ZNF100: variants seen among roughly 807,000 people sequenced by gnomAD.
The protein encoded by ZNF100 is zinc finger protein 100.
Under a neutral mutation model 15.8 loss-of-function variants are expected in ZNF100, and 12 were observed. The ratio of observed to expected loss-of-function variants is 0.76; its 90% CI spans 0.49 to 1.23. The LOEUF (loss-of-function observed/expected upper bound fraction) is 1.23. Ranked by LOEUF, ZNF100 falls within the 50% of genes most tolerant of loss-of-function variation. The pLI, the probability that ZNF100 is intolerant of heterozygous loss-of-function variation, is 0.00. For synonymous variants in ZNF100, 226 were observed against 214.8 expected (o/e 1.05, Z -0.45); for missense variants, 670 against 635.6 (o/e 1.05, Z -0.58).
intron 2 of ZNF100, among the ~76,000 whole-genome samples, chr19:21,758,522 T>C (rs1038378822): frequency 4.6e-5 from 7 of 152,346 alleles, no homozygotes; most frequent in African/African-American, 1.7e-4. Context: ...TCTGGGTCCA[T>C]GCAGGCAGAG....
At chr19:21,741,672 G>A (rs1324184793) in intron 4 of ZNF100, among the ~76,000 whole-genome samples, 2 of 151,818 alleles carry the variant, frequency 1.3e-5, no homozygotes, top group Admixed American at 6.6e-5. Context: ...ACCACGCCTG[G>A]CATGTAAAAC....
In ZNF100 at chr19:21,727,238, T is replaced by G; in HGVS notation, c.1074A>C (p.Ser358=). 2.5e-6 allele frequency: 4 copies of G among 1,613,782 alleles called. No homozygotes were observed. Among genetic ancestry groups the G allele is most frequent in the Non-Finnish European group, 3.4e-6 (4 of 1,179,918 alleles). The part of the protein sequence containing the change: ...EECGKAFNQS[S]TLTTHKITHA... ...GAGTTATCTTATGTGTAGTAAGGGT[T>G]GAGGACTGGTTAAAGGCTTTGCCAC... Residue 358 remains serine (S), a synonymous_variant, in exon 5 of 5, where the codon TCA becomes TCC. Transcript: ENST00000358296.
chr19:21,756,122 A>G (rs2036389960), intron 2 of ZNF100, among the ~76,000 whole-genome samples: 1 of 152,208 alleles, frequency 6.6e-6, no homozygotes, highest in Admixed American at 6.5e-5. Context: ...CAAAAACCAC[A>G]TGATTATTTC....
intron 2 of ZNF100, among the ~76,000 whole-genome samples, chr19:21,756,995 T>C (rs1282105752): frequency 6.6e-6 from 1 of 152,220 alleles, no homozygotes; most frequent in African/African-American, 2.4e-5. Context: ...AATAATTCCC[T>C]ATTTAATAAA....
intron 2 of ZNF100, among the ~76,000 whole-genome samples, chr19:21,754,404 T>C (rs1032255552): frequency 2.6e-5 from 4 of 152,130 alleles, no homozygotes; most frequent in African/African-American, 9.7e-5. Context: ...ATTATTTCAA[T>C]AGAAAAAAGC....
At chr19:21,757,965 A>T (rs894002762) in intron 2 of ZNF100, among the ~76,000 whole-genome samples, 4 of 152,096 alleles carry the variant, frequency 2.6e-5, no homozygotes, top group African/African-American at 4.8e-5. Flanking sequence ...TGAGCCTTGG[A>T]GGTTGAGGCT....
rs1286660583 is a variant in ZNF100, at chr19:21,725,471, T to C, written c.*1212A>G. 4 of 152,148 alleles carry C rather than the reference T, an allele frequency of 2.6e-5. No individual in the cohort carries two copies. Among genetic ancestry groups the C allele is most frequent in the Admixed American group, 2.0e-4 (3 of 15,272 alleles). The allele number at this position is 152,148 out of a possible 1,614,324, so 9.4% of individuals were successfully genotyped here. A position where few individuals can be genotyped will look rare whatever the true frequency, so the allele number is the denominator to read the frequency against. On this transcript the variant is annotated 3_prime_UTR_variant, in exon 5 of 5. Coordinates refer to ENST00000358296, the MANE Select transcript of ZNF100 (RefSeq NM_173531.4). Reference sequence around the variant, plus strand: ...TAATATTATAAGTTAACCATAAAAGTCTCTTCACTTAGATTTTCATCATAC... The same window carrying C: ...TAATATTATAAGTTAACCATAAAAGCCTCTTCACTTAGATTTTCATCATAC...
chr19:21,749,837 G>T (rs907821334), intron 2 of ZNF100, among the ~76,000 whole-genome samples: 2 of 152,142 alleles, frequency 1.3e-5, no homozygotes, highest in East Asian at 3.8e-4. Flanking sequence ...TACAGAAAAT[G>T]CCTTCTGTTG....
chr19:21,728,022 T>C (rs1471951554), intron 4 of ZNF100, 33 bp from the exon 5 acceptor site: 1 of 1,451,450 alleles, frequency 6.9e-7, no homozygotes, highest in Non-Finnish European at 9.1e-7. Context: ...ATTACTTTAC[T>C]TACTAGACAC....
At chr19:21,738,626 A>G (rs1483086501) in intron 4 of ZNF100, among the ~76,000 whole-genome samples, 1 of 152,114 alleles carries the variant, frequency 6.6e-6, no homozygotes, top group Non-Finnish European at 1.5e-5. Context: ...GAGAATGGAA[A>G]CTGGATGTGG....
rs539083173 is a variant in ZNF100 at position 21,745,916 on chromosome 19, T to C, written c.97-849A>G. ...AACATCCAGTAAGTGGAAGAGCCTG[T>C]GTTTTACCAGATTTTTCTGGCCTGT... On this transcript the variant is annotated intron_variant, in intron 2 of 4. Transcript: ENST00000358296. Among the ~76,000 whole-genome samples the C allele has an allele frequency of 3.3e-5, 5 of 152,372 alleles. No homozygotes were observed. In the South Asian group the frequency reaches 1.0e-3, roughly 32 times the overall value.
chr19:21,751,847 G>T, intron 2 of ZNF100: 1 of 809,654 alleles, frequency 1.2e-6, no homozygotes, highest in South Asian at 1.7e-5. Context: ...CTTGTGTGGA[G>T]CAGCTGTAAG....
chr19:21,740,460 G>A (rs970047296), intron 4 of ZNF100, among the ~76,000 whole-genome samples: 4 of 151,368 alleles, frequency 2.6e-5, no homozygotes, highest in African/African-American at 7.3e-5. Context: ...TTAACTACAC[G>A]CTACTTCAAA....
Position 21,754,440 on chromosome 19 carries a change from A to G in ZNF100, c.97-9373T>C, listed in dbSNP as rs182563363. On this transcript the variant is annotated intron_variant, in intron 2 of 4. Coordinates refer to ENST00000358296, the MANE Select transcript of ZNF100 (RefSeq NM_173531.4). The stretch of plus-strand genomic sequence containing the variant: ...CTTTGATAAAATTCAGCATCCCTTC[A>G]TGTTAAAAACCAATGGAACAGAACA... 9.8e-4 allele frequency among the ~76,000 whole-genome samples: 149 copies of G among 152,298 alleles called. 2 individuals carry two copies. Among genetic ancestry groups the G allele is most frequent in the African/African-American group, 3.4e-3 (141 of 41,578 alleles).
intron 2 of ZNF100, among the ~76,000 whole-genome samples, chr19:21,759,036 G>T (rs80281831): frequency 6.6e-6 from 1 of 152,090 alleles, no homozygotes; most frequent in African/African-American, 2.4e-5. Context: ...TCTAACATTC[G>T]AATTCTGACA....
At chr19:21,747,141 T>C (rs773480536) in intron 2 of ZNF100, among the ~76,000 whole-genome samples, 4 of 152,110 alleles carry the variant, frequency 2.6e-5, no homozygotes, top group Admixed American at 6.6e-5. Flanking sequence ...GTAATGAACA[T>C]ATGGGCCACA....
At chr19:21,748,287 A>T (rs1239086781) in intron 2 of ZNF100, among the ~76,000 whole-genome samples, 1 of 152,222 alleles carries the variant, frequency 6.6e-6, no homozygotes, top group Non-Finnish European at 1.5e-5. Context: ...GACCTTTATA[A>T]ATCAGTTCTG....
chr19:21,751,239 A>G, intron 2 of ZNF100: 1 of 1,250,198 alleles, frequency 8.0e-7, no homozygotes, highest in South Asian at 1.2e-5. Flanking sequence ...GTGACAGAAC[A>G]GTCAGCCAGC....
chr19:21,760,943 A>G (rs1157409918), intron 2 of ZNF100, among the ~76,000 whole-genome samples: 5 of 151,590 alleles, frequency 3.3e-5, no homozygotes, highest in African/African-American at 1.2e-4. Context: ...TATTTTTAGT[A>G]CAGACAGGGT....
Sources: allele counts gnomAD v4.1 joint callset (sites outside exome capture counted in the v4.1 genomes callset), GRCh38; gene constraint gnomAD v4.1.1; transcripts MANE v1.5; gene names NCBI Gene and HGNC (gene_info 2026-07-23, HGNC 2026-07-21).